RNF115: variants seen among roughly 807,000 people sequenced by gnomAD.
The protein encoded by RNF115 is E3 ubiquitin-protein ligase RNF115.
In RNF115, 31 loss-of-function variants were observed where a neutral mutation model predicts 39.2. That is an observed-to-expected ratio of 0.79 (90% CI 0.59 to 1.07). RNF115 has a LOEUF of 1.07. Among genes scored for constraint, RNF115 ranks in the 50% least tolerant of loss-of-function variants. The pLI, the probability that RNF115 is intolerant of heterozygous loss-of-function variation, is 0.00. For synonymous variants in RNF115, 124 were observed against 131.0 expected (o/e 0.95, Z 0.37); for missense variants, 384 against 381.7 (o/e 1.01, Z -0.05).
At chr1:145,785,948 A>C (rs587724157) in intron 2 of RNF115, among the ~76,000 whole-genome samples, 8 of 152,274 alleles carry the variant, frequency 5.3e-5, no homozygotes, top group African/African-American at 1.9e-4. Context: ...ACCATAAAAA[A>C]CTACATTGAG....
At position 145,739,402 on chromosome 1, in the gene RNF115, G is replaced by A. The variant is rs190532925; in HGVS notation, c.*7464C>T. Reference sequence around the variant, plus strand: ...GTGGGAGCTAAGGTTTGTGGGAACGGAAAGAGATATGGCTGAAGTAGATGA... The same window carrying A: ...GTGGGAGCTAAGGTTTGTGGGAACGAAAAGAGATATGGCTGAAGTAGATGA... On this transcript the variant is annotated 3_prime_UTR_variant, in exon 9 of 9. Transcript: ENST00000582693. 3 of 152,264 alleles carry A rather than the reference G, an allele frequency of 2.0e-5. No homozygotes were observed. In the East Asian group the frequency reaches 5.8e-4, roughly 29 times the overall value. The allele number at this position is 152,264 out of a possible 1,614,324, so 9.4% of individuals were successfully genotyped here. A position where few individuals can be genotyped will look rare whatever the true frequency, so the allele number is the denominator to read the frequency against.
At chr1:145,771,219 G>A (rs146006353) in intron 4 of RNF115, among the ~76,000 whole-genome samples, 29 of 152,282 alleles carry the variant, frequency 1.9e-4, no homozygotes, top group African/African-American at 7.0e-4. Flanking sequence ...TCCTGGAAGT[G>A]GATTAGTTAT....
At chr1:145,748,750 T>C (rs1483163515) in intron 7 of RNF115, among the ~76,000 whole-genome samples, 4 of 152,040 alleles carry the variant, frequency 2.6e-5, no homozygotes, top group Non-Finnish European at 1.5e-5. Context: ...CTGGGTGTGA[T>C]GGTGAGCGCC....
intron 4 of RNF115, among the ~76,000 whole-genome samples, chr1:145,766,967 T>A (rs28460412): frequency 1.5e-3 from 155 of 104,846 alleles, no homozygotes; most frequent in African/African-American, 5.9e-3. Flanking sequence ...TCCCTCCCGG[T>A]CGGGGTGGCT....
At chr1:145,812,848 T>C (rs1649798212) in intron 1 of RNF115, among the ~76,000 whole-genome samples, 1 of 148,714 alleles carries the variant, frequency 6.7e-6, no homozygotes, top group Non-Finnish European at 1.5e-5. Flanking sequence ...CTCAAACTCC[T>C]GAGCTCAAGT....
intron 6 of RNF115, 74 bp from the exon 7 acceptor site, chr1:145,750,574 G>A: frequency 8.8e-7 from 1 of 1,132,710 alleles, no homozygotes; most frequent in South Asian, 1.3e-5. Flanking sequence ...TGCTCCAGCT[G>A]AGAACAAACA....
intron 1 of RNF115, among the ~76,000 whole-genome samples, chr1:145,815,421 T>A (rs1359657953): frequency 6.6e-6 from 1 of 152,268 alleles, no homozygotes; most frequent in Admixed American, 6.5e-5. Flanking sequence ...ATACCAAAAG[T>A]AGGTTACTCT....
At chr1:145,779,315 C>T (rs1427794562) in intron 3 of RNF115, among the ~76,000 whole-genome samples, 2 of 151,954 alleles carry the variant, frequency 1.3e-5, no homozygotes, top group East Asian at 3.9e-4. Context: ...GCTGGGACTA[C>T]ACACATATGC....
chr1:145,792,720 G>T (rs1571760995), intron 1 of RNF115, among the ~76,000 whole-genome samples: 1 of 152,274 alleles, frequency 6.6e-6, no homozygotes, highest in East Asian at 1.9e-4. Context: ...GGACCATGAT[G>T]ATAGAAAACA....
intron 1 of RNF115, among the ~76,000 whole-genome samples, chr1:145,795,820 A>G (rs587694334): frequency 6.6e-6 from 1 of 152,372 alleles, no homozygotes; most frequent in South Asian, 2.1e-4. Flanking sequence ...AAGAAAAGCC[A>G]AAACTCTTCC....
Position 145,746,926 on chromosome 1 carries a change from CTCAGTGCTCTGGCT to C in RNF115, c.841_854del (p.Ser281GlyfsTer8). 7.4e-6 allele frequency: 12 copies of C among 1,614,070 alleles called. No individual in the cohort carries two copies. Among genetic ancestry groups the C allele is most frequent in the Non-Finnish European group, 1.0e-5 (12 of 1,179,998 alleles). On this transcript the variant is annotated frameshift_variant, in exon 9 of 9. Coordinates refer to ENST00000582693, the MANE Select transcript of RNF115 (RefSeq NM_014455.4). LOFTEE classifies it high-confidence loss of function. ...TGCTAAATCTGTTGCTTGCAGAGGC[CTCAGTGCTCTGGCT>C]TTGCCGAGTAGAGTCCTCACCATTT...
At chr1:145,793,842 CTTTT>C (rs11304765) in intron 1 of RNF115, among the ~76,000 whole-genome samples, 8 of 135,806 alleles carry the variant, frequency 5.9e-5, no homozygotes, top group Non-Finnish European at 7.9e-5. Context: ...TACCCTCTTT[CTTTT>C]TTTTTTTTTT....
At chr1:145,781,822 G>A (rs1648159629) in intron 3 of RNF115, among the ~76,000 whole-genome samples, 1 of 151,702 alleles carries the variant, frequency 6.6e-6, no homozygotes, top group Non-Finnish European at 1.5e-5. Context: ...TCAAGACCCT[G>A]GCCCACCTTA....
chr1:145,751,496 T>G lies in RNF115; in HGVS notation c.515A>C (p.His172Pro). Residue 172 changes from histidine (H) to proline (P), a missense_variant, in exon 6 of 9, where the codon CAC becomes CCC. Coordinates refer to ENST00000582693, the MANE Select transcript of RNF115 (RefSeq NM_014455.4). The part of the protein sequence containing the change: ...PHPFSWSGML[H>P]SNPGDYAWGQ... Reference sequence around the variant, plus strand: ...CCAGGCATAGTCCCCAGGGTTGGAGTGCAGCATCCCGCTCCTATACGTGAG... The same window carrying G: ...CCAGGCATAGTCCCCAGGGTTGGAGGGCAGCATCCCGCTCCTATACGTGAG... 1 of 1,598,352 alleles carries G rather than the reference T, an allele frequency of 6.3e-7. No homozygotes were observed. The highest frequency in any genetic ancestry group is 8.5e-7 in the Non-Finnish European group (1 of 1,171,886).
chr1:145,791,588 GGCAGTACAATA>G (rs1648670810), intron 1 of RNF115, among the ~76,000 whole-genome samples: 1 of 151,266 alleles, frequency 6.6e-6, no homozygotes, highest in African/African-American at 2.4e-5. Flanking sequence ...GGAACAATGA[GGCAGTACAATA>G]TTTCTATTCT....
chr1:145,756,913 T>G (rs1658320698), intron 4 of RNF115, among the ~76,000 whole-genome samples: 1 of 142,846 alleles, frequency 7.0e-6, no homozygotes, highest in African/African-American at 2.6e-5. Context: ...CTCAGCTCAC[T>G]GCAACCTCTG....
intron 8 of RNF115, among the ~76,000 whole-genome samples, chr1:145,747,625 A>G (rs1360886301): frequency 6.6e-6 from 1 of 152,172 alleles, no homozygotes; most frequent in Non-Finnish European, 1.5e-5. Context: ...TCTGGGTGAC[A>G]GAGTGAGACT....
chr1:145,806,067 T>G (rs1553721532), intron 1 of RNF115, among the ~76,000 whole-genome samples: 1 of 152,108 alleles, frequency 6.6e-6, no homozygotes, highest in Non-Finnish European at 1.5e-5. Flanking sequence ...TAAATTTAAG[T>G]CCAGGCACAG....
chr1:145,752,922 A>C, intron 5 of RNF115, 56 bp downstream of exon 5: 1 of 1,238,792 alleles, frequency 8.1e-7, no homozygotes, highest in South Asian at 1.2e-5. Context: ...CAGAAATGAC[A>C]GCACCTAAAA....
Sources: allele counts gnomAD v4.1 joint callset (sites outside exome capture counted in the v4.1 genomes callset), GRCh38; gene constraint gnomAD v4.1.1; transcripts MANE v1.5; gene names NCBI Gene and HGNC (gene_info 2026-07-23, HGNC 2026-07-21).